DKK4: variants seen among roughly 807,000 people sequenced by gnomAD.
DKK4 encodes dickkopf Wnt signaling pathway inhibitor 4, also known as dickkopf-related protein 4.
Under a neutral mutation model 14.5 loss-of-function variants are expected in DKK4, and 15 were observed. That is an observed-to-expected ratio of 1.03 (90% CI 0.69 to 1.59). DKK4 has a LOEUF of 1.59. Ranked by LOEUF, DKK4 falls within the 40% of genes most tolerant of loss-of-function variation. The pLI, the probability that DKK4 is intolerant of heterozygous loss-of-function variation, is 0.00. For synonymous variants in DKK4, 89 were observed against 105.2 expected (o/e 0.85, Z 0.94); for missense variants, 272 against 280.3 (o/e 0.97, Z 0.21).
At chr8:42,377,286 G>T, upstream of DKK4, 2 of 492,862 alleles carry the variant, frequency 4.1e-6, no homozygotes, top group East Asian at 3.3e-5. Context: ...TCCCCGCTCC[G>T]TTCCTTCCTC....
In DKK4 at chr8:42,375,558, A is replaced by C. The variant is rs1300910066; in HGVS notation, c.262+122T>G. 3 of 1,269,758 alleles carry C rather than the reference A, an allele frequency of 2.4e-6. No individual in the cohort carries two copies. The East Asian group carries it at 7.2e-5, about 30-fold the overall frequency. The allele number at this position is 1,269,758 out of a possible 1,614,324, so 78.7% of individuals were successfully genotyped here. On this transcript the variant is annotated intron_variant, in intron 2 of 3. Coordinates refer to ENST00000220812, the MANE Select transcript of DKK4 (RefSeq NM_014420.3). ...AGGAAAAGAAAAGGCAGCTGCATAC[A>C]TTTACTTCAAGCATGAATCTAGGAA...
upstream of DKK4, among the ~76,000 whole-genome samples, chr8:42,379,250 CAA>C (rs527559485): frequency 6.0e-5 from 7 of 116,848 alleles, no homozygotes; most frequent in Admixed American, 8.8e-5. Context: ...GACTCCATCT[CAA>C]AAAAAAAAAA....
chr8:42,386,459 C>T, the DKK4 span, among the ~76,000 whole-genome samples: 6 of 152,000 alleles, frequency 3.9e-5, no homozygotes, highest in Admixed American at 6.6e-5. Flanking sequence ...ATTTAATGTC[C>T]GCTAGATGTT....
upstream of DKK4, among the ~76,000 whole-genome samples, chr8:42,379,418 GAGAGAGA>G (rs1824630541): frequency 8.0e-6 from 1 of 125,350 alleles, no homozygotes; most frequent in Non-Finnish European, 1.7e-5. Flanking sequence ...GAGAGAGAGA[GAGAGAGA>G]GAAAGATTCA....
At chr8:42,389,643 C>T in the DKK4 span, among the ~76,000 whole-genome samples, 2 of 152,238 alleles carry the variant, frequency 1.3e-5, no homozygotes, top group South Asian at 4.1e-4. Flanking sequence ...TTGTGGGGGA[C>T]TTTTTGTCTC....
upstream of DKK4, among the ~76,000 whole-genome samples, chr8:42,380,518 AAAAAAG>A (rs1431180291): frequency 2.7e-5 from 4 of 146,762 alleles, no homozygotes; most frequent in African/African-American, 7.9e-5. Context: ...AAAAGAAAAG[AAAAAAG>A]AGAGGAAGGA....
upstream of DKK4, among the ~76,000 whole-genome samples, chr8:42,381,858 A>G (rs550246688): frequency 6.6e-6 from 1 of 152,176 alleles, no homozygotes; most frequent in African/African-American, 2.4e-5. Flanking sequence ...TTAGCTGGGC[A>G]TGATGGCACA....
At chr8:42,375,513 G>A (rs1417310207) in intron 2 of DKK4, among the ~76,000 whole-genome samples, 167 bp downstream of exon 2, 7 of 145,824 alleles carry the variant, frequency 4.8e-5, no homozygotes, top group South Asian at 2.2e-4. Context: ...GCGAAACTCC[G>A]CCTCAGAAAA....
chr8:42,390,703 T>C, the DKK4 span, among the ~76,000 whole-genome samples: 1 of 152,170 alleles, frequency 6.6e-6, no homozygotes, highest in Admixed American at 6.5e-5. Flanking sequence ...GAAACTGACA[T>C]TTTTGAAGAC....
upstream of DKK4, chr8:42,377,254 A>G (rs1443135582): frequency 1.8e-6 from 1 of 548,626 alleles, no homozygotes; most frequent in Non-Finnish European, 3.2e-6. Flanking sequence ...TCCTGAAACT[A>G]TTTATAACCA....
chr8:42,389,839 T>A, the DKK4 span, among the ~76,000 whole-genome samples: 1 of 152,210 alleles, frequency 6.6e-6, no homozygotes, highest in South Asian at 2.1e-4. Context: ...TACTTCAGCA[T>A]GCATCTCCTA....
At chr8:42,380,925 GAA>G (rs781137555), upstream of DKK4, among the ~76,000 whole-genome samples, 4 of 151,910 alleles carry the variant, frequency 2.6e-5, no homozygotes, top group Non-Finnish European at 4.4e-5. Flanking sequence ...GAAAGAAAAA[GAA>G]AGAAGGAAAG....
At chr8:42,388,154 G>A in the DKK4 span, among the ~76,000 whole-genome samples, 1 of 152,112 alleles carries the variant, frequency 6.6e-6, no homozygotes, top group Non-Finnish European at 1.5e-5. Context: ...CTGAAGTTGT[G>A]GCTCTAATAT....
chr8:42,389,859 C>G, the DKK4 span, among the ~76,000 whole-genome samples: 1 of 152,000 alleles, frequency 6.6e-6, no homozygotes, highest in East Asian at 1.9e-4. Flanking sequence ...AAAATCAAGG[C>G]CATTTCTGCA....
the DKK4 span, among the ~76,000 whole-genome samples, chr8:42,390,468 A>C: frequency 7.3e-6 from 1 of 136,222 alleles, no homozygotes; most frequent in Non-Finnish European, 1.5e-5. Flanking sequence ...GGTTCACGCC[A>C]TTCTCCTGCC....
At chr8:42,375,623 A>T (rs1353228304) in intron 2 of DKK4, 57 bp downstream of exon 2, 1 of 1,603,458 alleles carries the variant, frequency 6.2e-7, no homozygotes, top group Non-Finnish European at 8.5e-7. Context: ...ATTCTAGTCT[A>T]TGGGGCTTAG....
the DKK4 span, among the ~76,000 whole-genome samples, chr8:42,388,610 C>T: frequency 1.3e-5 from 2 of 151,864 alleles, no homozygotes; most frequent in African/African-American, 2.4e-5. Context: ...CTCACTCTGT[C>T]GCCAGGCTGG....
chr8:42,376,124 T>A (rs1824557282), intron 1 of DKK4, among the ~76,000 whole-genome samples: 1 of 152,226 alleles, frequency 6.6e-6, no homozygotes, highest in African/African-American at 2.4e-5. Context: ...TATGTGTGTC[T>A]TAACAGGTGA....
chr8:42,379,792 TG>T (rs1352644789), upstream of DKK4, among the ~76,000 whole-genome samples: 3 of 152,038 alleles, frequency 2.0e-5, no homozygotes, highest in African/African-American at 7.2e-5. Flanking sequence ...AGAGATTGTG[TG>T]GCTGCGGCAG....
Sources: allele counts gnomAD v4.1 joint callset (sites outside exome capture counted in the v4.1 genomes callset), GRCh38; gene constraint gnomAD v4.1.1; transcripts MANE v1.5; gene names NCBI Gene and HGNC (gene_info 2026-07-23, HGNC 2026-07-21).